CUBN: variants seen among roughly 807,000 people sequenced by gnomAD.
CUBN encodes 460 kDa receptor.
CUBN carries 282 observed loss-of-function variants against 405.3 expected under a neutral mutation model. The observed-to-expected ratio is 0.70, with a 90% confidence interval of 0.63 to 0.77. The LOEUF is 0.77. CUBN is among the 30% of genes least tolerant of loss of function. CUBN has a pLI of 0.00. For missense variants in CUBN, 4,514 were observed against 4,475.2 expected (o/e 1.01, Z -0.25); for synonymous variants, 1,684 against 1,617.0 (o/e 1.04, Z -0.99).
chr10:17,125,383 C>G (rs1189870215), intron 4 of CUBN, among the ~76,000 whole-genome samples: 1 of 152,186 alleles, frequency 6.6e-6, no homozygotes, highest in Non-Finnish European at 1.5e-5. Flanking sequence ...CTGCAAAGCA[C>G]ATTCCTTCTC....
At chr10:17,085,306 CA>C (rs1836081434) in intron 16 of CUBN, among the ~76,000 whole-genome samples, 1 of 152,146 alleles carries the variant, frequency 6.6e-6, no homozygotes, top group African/African-American at 2.4e-5. Flanking sequence ...AACTAAACAT[CA>C]AACACCACGA....
At chr10:16,895,639 T>C (rs1236600292) in intron 54 of CUBN, among the ~76,000 whole-genome samples, 2 of 152,218 alleles carry the variant, frequency 1.3e-5, no homozygotes, top group Admixed American at 6.5e-5. Flanking sequence ...TTTATCATTA[T>C]GTAAGATTCC....
intron 28 of CUBN, among the ~76,000 whole-genome samples, chr10:17,012,496 T>A (rs559294180): frequency 2.6e-4 from 40 of 152,332 alleles, no homozygotes; most frequent in African/African-American, 9.1e-4. Context: ...CTATTTGGGA[T>A]TGTAGTTACT....
At chr10:17,090,963 G>C (rs912089963) in intron 14 of CUBN, among the ~76,000 whole-genome samples, 4 of 151,948 alleles carry the variant, frequency 2.6e-5, no homozygotes, top group African/African-American at 9.7e-5. Flanking sequence ...AAGGTCTAGA[G>C]ACGATGACAC....
intron 31 of CUBN, among the ~76,000 whole-genome samples, chr10:16,956,596 T>C (rs1430692149): frequency 3.3e-5 from 5 of 152,048 alleles, no homozygotes; most frequent in Admixed American, 3.3e-4. Context: ...ATTATCTCTA[T>C]ACTTGGTTTT....
Position 17,002,240 on chromosome 10 carries a change from G to GA in CUBN, c.4169-11726dup, listed in dbSNP as rs796712910. On this transcript the variant is annotated intron_variant, in intron 28 of 66. Coordinates refer to ENST00000377833, the MANE Select transcript of CUBN (RefSeq NM_001081.4). The stretch of plus-strand genomic sequence containing the variant: ...TTTGGCTGCTATGATATTTGAAACT[G>GA]AAAAAAAAAAGTGTGGTTTTGGTTT... Among the ~76,000 whole-genome samples, 81 of 147,774 alleles carry GA rather than the reference G, an allele frequency of 5.5e-4. No individual in the cohort carries two copies. In the East Asian group the frequency reaches 6.1e-3, roughly 11 times the overall value.
chr10:17,042,372 T>C (rs1007446211), intron 26 of CUBN, among the ~76,000 whole-genome samples: 40 of 152,136 alleles, frequency 2.6e-4, no homozygotes, highest in African/African-American at 9.4e-4. Flanking sequence ...GTAAACCACA[T>C]GGGCCACTCT....
chr10:16,940,109 A>G lies in CUBN; in HGVS notation c.5471T>C (p.Val1824Ala). ...NSFPLNYSSI[V>A]GHTLWVRFIS... ...AAATCTGACCCACAGGGTATGTCCA[A>G]CGATGGAAGAATAATTGAGAGGGAA... is the stretch of plus-strand genomic sequence containing the variant. Residue 1824 changes from valine (V) to alanine (A), a missense_variant, in exon 37 of 67, where the codon GTT (valine) becomes GCT (alanine). This residue lies in a region of CUBN where 1,613 missense variants were observed against 1,542.8 expected (regional missense o/e 1.05). Coordinates refer to ENST00000377833, the MANE Select transcript of CUBN (RefSeq NM_001081.4). 2 of 1,614,168 alleles carry G rather than the reference A, an allele frequency of 1.2e-6. No homozygotes were observed. Among genetic ancestry groups the G allele is most frequent in the Non-Finnish European group, 1.7e-6 (2 of 1,180,002 alleles).
At chr10:16,985,185 C>T (rs543153799) in intron 29 of CUBN, among the ~76,000 whole-genome samples, 98 of 152,360 alleles carry the variant, frequency 6.4e-4, no homozygotes, top group Non-Finnish European at 1.1e-3. Flanking sequence ...TGGCCTGCCA[C>T]GTCCCCATCT....
intron 28 of CUBN, among the ~76,000 whole-genome samples, chr10:17,008,573 C>T (rs1834096568): frequency 6.6e-6 from 1 of 151,998 alleles, no homozygotes; most frequent in Admixed American, 6.6e-5. Context: ...GCTCTCCCCA[C>T]TCCCTCCTAT....
intron 3 of CUBN, among the ~76,000 whole-genome samples, chr10:17,127,431 A>AT (rs71268608): frequency 0.42 from 35,766 of 85,892 alleles, 7,629 homozygotes; most frequent in Non-Finnish European, 0.5. Context: ...ATGCCCAGCT[A>AT]TTTTTTTTTT....
chr10:17,060,740 T>G (rs1835488174), intron 22 of CUBN, among the ~76,000 whole-genome samples: 1 of 152,090 alleles, frequency 6.6e-6, no homozygotes, highest in African/African-American at 2.4e-5. Flanking sequence ...CAGAGAGGCT[T>G]GTGAGTTGTC....
chr10:16,954,911 C>T (rs527609041), intron 31 of CUBN, among the ~76,000 whole-genome samples: 147 of 152,206 alleles, frequency 9.7e-4, no homozygotes, highest in African/African-American at 2.8e-3. Flanking sequence ...AGAAAACAGA[C>T]GAGAAATAAT....
intron 39 of CUBN, among the ~76,000 whole-genome samples, chr10:16,934,065 C>T (rs190608786): frequency 4.9e-4 from 75 of 152,190 alleles, no homozygotes; most frequent in African/African-American, 1.6e-3. Flanking sequence ...TGGACCTCTG[C>T]GGCCCCACCA....
rs954461008 is a variant in CUBN, at chr10:17,123,311, C to G, written c.489+277G>C. 2.3e-5 allele frequency: 12 copies of G among 516,432 alleles called. No individual in the cohort carries two copies. The Middle Eastern group carries it at 1.6e-3, about 68-fold the overall frequency. 32.0% of individuals were successfully genotyped at this position (516,432 alleles called of 1,614,324 possible). A position where few individuals can be genotyped will look rare whatever the true frequency, so the allele number is the denominator to read the frequency against. On this transcript the variant is annotated intron_variant, in intron 5 of 66. Transcript: ENST00000377833. ...AAGATTTGTTTGGTACTTTCCAATG[C>G]TGAACAATTTAAATTAATGTTAACA...
At chr10:16,830,078 GGCA>G (rs1838936759) in intron 65 of CUBN, among the ~76,000 whole-genome samples, 1 of 152,132 alleles carries the variant, frequency 6.6e-6, no homozygotes, top group Non-Finnish European at 1.5e-5. Flanking sequence ...TGGGATTACA[GGCA>G]TGTGCCACTA....
chr10:16,933,104 C>G lies in CUBN; in HGVS notation c.6107G>C (p.Ser2036Thr). The G allele has an allele frequency of 6.2e-7, 1 of 1,614,002 alleles. No individual in the cohort carries two copies. Among genetic ancestry groups the G allele is most frequent in the Non-Finnish European group, 8.5e-7 (1 of 1,179,970 alleles). ...IESHRTCAYD[S>T]LVIRDGDNNL... The stretch of plus-strand genomic sequence containing the variant: ...GTTCTCACCATCTCGTATCACAAGG[C>G]TATCATAGGCACACGTTCGGTGAGA... The change falls in exon 40 of 67, where the codon AGC (serine) becomes ACC (threonine). Residue 2036 changes from serine (S) to threonine (T), a missense_variant. Around this residue, in one of 5 missense-constraint regions of CUBN, gnomAD observed 1,613 missense variants for 1,542.8 expected, o/e 1.05. Coordinates refer to ENST00000377833, the MANE Select transcript of CUBN (RefSeq NM_001081.4).
chr10:17,104,864 A>C (rs906196626), intron 11 of CUBN, among the ~76,000 whole-genome samples: 2 of 146,406 alleles, frequency 1.4e-5, no homozygotes, highest in East Asian at 4.1e-4. Context: ...GCTGGAGTGC[A>C]GTGGTGCAAT....
chr10:17,080,299 T>C (rs1408212205), intron 17 of CUBN, among the ~76,000 whole-genome samples: 2 of 152,142 alleles, frequency 1.3e-5, no homozygotes, highest in African/African-American at 4.8e-5. Flanking sequence ...CAATTTCTGC[T>C]TTGTTAATTT....
Sources: gnomAD v4.1 joint callset for allele counts (sites outside exome capture counted in the v4.1 genomes callset) on GRCh38, gnomAD v4.1.1 for gene constraint, gnomAD v4.1.1 regional missense constraint, MANE v1.5 for transcripts, NCBI Gene and HGNC (gene_info 2026-07-23, HGNC 2026-07-21) for gene names.